JAK1: variants seen among roughly 807,000 people sequenced by gnomAD.
JAK1 encodes tyrosine-protein kinase JAK1.
A neutral mutation model predicts 136.6 loss-of-function variants in JAK1; 16 were observed. That is an observed-to-expected ratio of 0.12 (90% CI 0.08 to 0.18). JAK1 has a LOEUF of 0.18. JAK1 is among the 10% of genes least tolerant of loss of function. JAK1 has a pLI of 1.00. For missense variants in JAK1, 859 were observed against 1,450.1 expected (o/e 0.59, Z 6.62); for synonymous variants, 492 against 519.5 (o/e 0.95, Z 0.72).
At chr1:64,944,221 C>CAAAAAAAA (rs771660692) in intron 1 of JAK1, among the ~76,000 whole-genome samples, 2 of 63,394 alleles carry the variant, frequency 3.2e-5, no homozygotes. Flanking sequence ...GACTCTGTCT[C>CAAAAAAAA]AAAAAAAAAA....
intron 1 of JAK1, among the ~76,000 whole-genome samples, chr1:64,963,918 C>A (rs960678402): frequency 6.6e-6 from 1 of 152,108 alleles, no homozygotes; most frequent in East Asian, 1.9e-4. Flanking sequence ...CCACTAGATG[C>A]CTACCAGTAG....
chr1:64,835,798 C>T (rs1654445462), intron 23 of JAK1, among the ~76,000 whole-genome samples: 1 of 152,064 alleles, frequency 6.6e-6, no homozygotes, highest in Admixed American at 6.5e-5. Flanking sequence ...CAAGGCTGGT[C>T]CCTACCCAGT....
chr1:64,901,471 C>G (rs1037125914), intron 1 of JAK1, among the ~76,000 whole-genome samples: 1 of 151,932 alleles, frequency 6.6e-6, no homozygotes, highest in Non-Finnish European at 1.5e-5. Context: ...CTGAGAGTTG[C>G]GTAGGCCTGG....
chr1:64,988,933 T>C (rs1366989773), intron 2 of JAK1, among the ~76,000 whole-genome samples: 2 of 145,076 alleles, frequency 1.4e-5, no homozygotes, highest in Non-Finnish European at 3.0e-5. Context: ...TGTATGTGTA[T>C]ATATATATGT....
Position 64,857,686 on chromosome 1 carries a change from G to A in JAK1, c.1428C>T (p.Leu476=), listed in dbSNP as rs1023629280. 2 of 1,614,210 alleles carry A rather than the reference G, an allele frequency of 1.2e-6. No individual in the cohort carries two copies. The highest frequency in any genetic ancestry group is 8.5e-7 in the Non-Finnish European group (1 of 1,180,036). ...RWSCTDFDNI[L]MTVTCFEKSE... is the part of the protein sequence containing the mutation. The stretch of plus-strand genomic sequence containing the variant: ...ACTTCTCAAAGCAGGTGACGGTCAT[G>A]AGGATGTTGTCAAAGTCGGTGCAGC... Residue 476 remains leucine, a synonymous_variant, in exon 10 of 25, where the codon CTC becomes CTT. Transcript: ENST00000342505.
chr1:64,839,145 CAAAAA>C (rs56058898), intron 20 of JAK1, among the ~76,000 whole-genome samples: 1 of 59,870 alleles, frequency 1.7e-5, no homozygotes, highest in African/African-American at 5.8e-5. Context: ...GACTCCGTCT[CAAAAA>C]AAAAAAAAAA....
At chr1:64,874,078 A>T (rs1053128733) in intron 4 of JAK1, among the ~76,000 whole-genome samples, 5 of 152,214 alleles carry the variant, frequency 3.3e-5, no homozygotes, top group Admixed American at 2.6e-4. Flanking sequence ...GGCATCATGA[A>T]ACGAGTTAAC....
chr1:64,848,998 G>C (rs1655417407), intron 12 of JAK1, among the ~76,000 whole-genome samples: 2 of 152,196 alleles, frequency 1.3e-5, no homozygotes, highest in South Asian at 4.1e-4. Context: ...GTTATGGGAA[G>C]CTGTATTCCC....
intron 1 of JAK1, among the ~76,000 whole-genome samples, chr1:64,939,216 A>G (rs1645844134): frequency 6.6e-6 from 1 of 152,242 alleles, no homozygotes; most frequent in Non-Finnish European, 1.5e-5. Context: ...CCTAGATTCA[A>G]CGAAATGGGG....
chr1:64,985,351 T>C, intron 2 of JAK1: 1 of 1,611,312 alleles, frequency 6.2e-7, no homozygotes, highest in Non-Finnish European at 8.5e-7. Context: ...TCTTGTGCCA[T>C]CCTTGCACTC....
At chr1:64,977,552 T>A (rs1032404265) in intron 2 of JAK1, among the ~76,000 whole-genome samples, 1 of 151,256 alleles carries the variant, frequency 6.6e-6, no homozygotes, top group Admixed American at 6.6e-5. Context: ...TGCCTCAGCC[T>A]CCCGACTAGG....
At position 64,838,084 on chromosome 1, in the gene JAK1, A is replaced by C. The variant is rs774570104; in HGVS notation, c.2988T>G (p.Ser996=). Reference sequence around the variant, plus strand: ...CCAAGTCCCGGTGAACGTATTGCCGAGAACCCAAATAGTCCATCCCCTGAG... The same window carrying C: ...CCAAGTCCCGGTGAACGTATTGCCGCGAACCCAAATAGTCCATCCCCTGAG... ...QICKGMDYLG[S]RQYVHRDLAA... is the part of the protein sequence containing the mutation. Residue 996 remains serine (S), a synonymous_variant, in exon 22 of 25, where the codon TCT becomes TCG. Coordinates refer to ENST00000342505, the MANE Select transcript of JAK1 (RefSeq NM_002227.4). 3.1e-6 allele frequency: 5 copies of C among 1,614,028 alleles called. No homozygotes were observed. In the Admixed American group the frequency reaches 6.7e-5, roughly 22 times the overall value.
At chr1:65,025,281 A>G (rs1300872465) in intron 2 of JAK1, among the ~76,000 whole-genome samples, 1 of 152,196 alleles carries the variant, frequency 6.6e-6, no homozygotes, top group Non-Finnish European at 1.5e-5. Flanking sequence ...CAATGGTTAG[A>G]GCCCACCCGA....
chr1:64,844,292 A>ACAGTGAGCCAATGAGGCTG lies in JAK1; in HGVS notation c.2252-78_2252-77insCAGCCTCATTGGCTCACTG. 1 of 1,562,692 alleles carries ACAGTGAGCCAATGAGGCTG rather than the reference A, an allele frequency of 6.4e-7. No individual in the cohort carries two copies. Among genetic ancestry groups the ACAGTGAGCCAATGAGGCTG allele is most frequent in the South Asian group, 1.1e-5 (1 of 89,496 alleles). Reference sequence around the variant, plus strand: ...TTCAATTACTGTCACTGCAGCCAGAACAGTGAGCCAATGAAGGAACTACTT... The same window carrying ACAGTGAGCCAATGAGGCTG: ...TTCAATTACTGTCACTGCAGCCAGAACAGTGAGCCAATGAGGCTGCAGTGAGCCAATGAAGGAACTACTT... On this transcript the variant is annotated intron_variant, in intron 16 of 24. Transcript: ENST00000342505. The surrounding 1 kb of genome is among the most constrained non-coding windows in gnomAD (Gnocchi z 5.7).
At position 64,984,669 on chromosome 1, in the gene JAK1, C is replaced by G; in HGVS notation, c.-78+59811G>C. 1.7e-6 allele frequency: 1 copy of G among 576,716 alleles called. No individual in the cohort carries two copies. Among genetic ancestry groups the G allele is most frequent in the Non-Finnish European group, 3.2e-6 (1 of 312,808 alleles). The allele number at this position is 576,716 out of a possible 1,614,324, so 35.7% of individuals were successfully genotyped here. A position where few individuals can be genotyped will look rare whatever the true frequency, so the allele number is the denominator to read the frequency against. On this transcript the variant is annotated intron_variant, in intron 2 of 25. Coordinates refer to the JAK1 transcript ENST00000671954. The surrounding 1 kb of genome is among the most constrained non-coding windows in gnomAD (Gnocchi z 4.1). ...TGTTCATCTCCATGACACAGTCCTT[C>G]CAGATCTATTTGCATCGTGTGCCTG...
At chr1:65,049,878 G>T (rs1212936142) in intron 1 of JAK1, among the ~76,000 whole-genome samples, 1 of 152,160 alleles carries the variant, frequency 6.6e-6, no homozygotes, top group African/African-American at 2.4e-5. Flanking sequence ...AGACAATCAT[G>T]ATGTCAAATT....
At position 64,847,649 on chromosome 1, in the gene JAK1, T is replaced by C; in HGVS notation, c.1782A>G (p.Arg594=). The C allele has an allele frequency of 6.2e-7, 1 of 1,614,100 alleles. No individual in the cohort carries two copies. The highest frequency in any genetic ancestry group is 8.5e-7 in the Non-Finnish European group (1 of 1,180,000). ...TCAGGGTCCCAGAATAGATGTGTGTTCTCGTGCCTCTCCCAAGGTGCTCGC... is the reference window on the plus strand; with the variant it reads ...TCAGGGTCCCAGAATAGATGTGTGTCCTCGTGCCTCTCCCAAGGTGCTCGC... The part of the protein sequence containing the change: ...VQGEHLGRGT[R]THIYSGTLMD... The change falls in exon 13 of 25, where the codon AGA becomes AGG. Residue 594 remains arginine (R), a synonymous_variant. Transcript: ENST00000342505.
chr1:64,906,599 C>T (rs912617258), intron 1 of JAK1, among the ~76,000 whole-genome samples: 72 of 152,196 alleles, frequency 4.7e-4, no homozygotes, highest in Admixed American at 2.6e-4. Flanking sequence ...TTTCTCGCCA[C>T]CTACACTGCT....
intron 1 of JAK1, chr1:65,058,343 T>C (rs1647641004): frequency 1.1e-5 from 6 of 529,618 alleles, no homozygotes; most frequent in South Asian, 8.5e-5. Flanking sequence ...GGTAAGAGGG[T>C]TTCTGGGTCC....
Sources: gnomAD v4.1 joint callset for allele counts (sites outside exome capture counted in the v4.1 genomes callset) on GRCh38, gnomAD v4.1.1 for gene constraint, Gnocchi (gnomAD v3.1) non-coding constraint, MANE v1.5 for transcripts, NCBI Gene and HGNC (gene_info 2026-07-23, HGNC 2026-07-21) for gene names.